Variants in ANKH observed in about 807,000 individuals in gnomAD.
ANKH encodes mineralization regulator ANKH.
In ANKH, 15 loss-of-function variants were observed where a neutral mutation model predicts 49.0. That is an observed-to-expected ratio of 0.31 (90% CI 0.20 to 0.47). The LOEUF (loss-of-function observed/expected upper bound fraction) is 0.47. Ranked by LOEUF, ANKH falls within the 20% of genes least tolerant of loss-of-function variation. The pLI, the probability that ANKH is intolerant of heterozygous loss-of-function variation, is 1.00. For synonymous variants in ANKH, 273 were observed against 260.0 expected, an observed-to-expected ratio of 1.05 and a Z score of -0.48; for missense variants, 429 against 652.0, an observed-to-expected ratio of 0.66 and a Z score of 3.72.
intron 1 of ANKH, among the ~76,000 whole-genome samples, chr5:14,853,101 C>T (rs895082000): frequency 9.9e-5 from 15 of 152,180 alleles, no homozygotes; most frequent in Admixed American, 2.0e-4. Context: ...TGGCACCAAC[C>T]TCCCCCCAAA....
intron 1 of ANKH, among the ~76,000 whole-genome samples, chr5:14,835,308 G>A (rs772539963): frequency 6.6e-6 from 1 of 152,194 alleles, no homozygotes; most frequent in Non-Finnish European, 1.5e-5. Context: ...TTAGTCACAG[G>A]AATAACCTGC....
chr5:14,759,486 C>A (rs1439984526), intron 2 of ANKH, among the ~76,000 whole-genome samples: 1 of 152,062 alleles, frequency 6.6e-6, no homozygotes, highest in Non-Finnish European at 1.5e-5. Flanking sequence ...CATGATGGCT[C>A]ATGCCTGTAA....
intron 7 of ANKH, among the ~76,000 whole-genome samples, chr5:14,744,103 TTGAAA>T (rs1738452516): frequency 6.6e-6 from 1 of 152,248 alleles, no homozygotes; most frequent in African/African-American, 2.4e-5. Flanking sequence ...CACACGTGCC[TTGAAA>T]TGAAAACAAT....
chr5:14,740,069 C>G (rs931088795), intron 8 of ANKH, among the ~76,000 whole-genome samples: 3 of 152,052 alleles, frequency 2.0e-5, no homozygotes, highest in African/African-American at 4.8e-5. Flanking sequence ...AAGCCCAATC[C>G]GGTAAAGCTC....
rs555583969 is a variant in ANKH at position 14,776,396 on chromosome 5, T to C, written c.97-7205A>G. Among the ~76,000 whole-genome samples the C allele has an allele frequency of 6.6e-5, 10 of 152,240 alleles. No homozygotes were observed. The East Asian group carries it at 7.8e-4, about 12-fold the overall frequency. On this transcript the variant is annotated intron_variant, in intron 1 of 11. Coordinates refer to ENST00000284268, the MANE Select transcript of ANKH (RefSeq NM_054027.6). ...GCTATGGATATACATTTGGAGGTCA[T>C]TGGCCTACAGATAGAATTTAAAGCT... is the stretch of plus-strand genomic sequence containing the variant.
intron 1 of ANKH, among the ~76,000 whole-genome samples, chr5:14,829,815 A>G (rs1443810014): frequency 6.6e-6 from 1 of 152,238 alleles, no homozygotes; most frequent in African/African-American, 2.4e-5. Context: ...ATAAAACATG[A>G]ATACCTTCTG....
intron 2 of ANKH, among the ~76,000 whole-genome samples, chr5:14,765,373 C>T (rs1739227208): frequency 6.6e-6 from 1 of 152,166 alleles, no homozygotes; most frequent in Non-Finnish European, 1.5e-5. Flanking sequence ...CTCTCTCAGT[C>T]CAACACAATT....
At chr5:14,757,307 TA>T (rs573719038) in intron 3 of ANKH, among the ~76,000 whole-genome samples, 3 of 151,032 alleles carry the variant, frequency 2.0e-5, no homozygotes, top group Non-Finnish European at 2.9e-5. Flanking sequence ...GTGGGGGTGG[TA>T]AAAAAAACTA....
chr5:14,732,587 CACT>C (rs1738040476), intron 8 of ANKH, among the ~76,000 whole-genome samples: 3 of 152,084 alleles, frequency 2.0e-5, no homozygotes, highest in Non-Finnish European at 4.4e-5. Context: ...TGTTAGGGAC[CACT>C]GAGTGTCCCG....
intron 8 of ANKH, among the ~76,000 whole-genome samples, chr5:14,727,087 AAATTCTAGTTGGCT>A (rs931227539): frequency 6.6e-6 from 1 of 152,196 alleles, no homozygotes; most frequent in African/African-American, 2.4e-5. Flanking sequence ...CAGGCTAGAA[AAATTCTAGTTGGCT>A]AACATAGGGG....
chr5:14,759,212 C>T (rs1323768334), intron 2 of ANKH, among the ~76,000 whole-genome samples: 1 of 152,168 alleles, frequency 6.6e-6, no homozygotes, highest in Admixed American at 6.5e-5. Context: ...TCCTGCACCG[C>T]TGGAAAATGA....
intron 1 of ANKH, among the ~76,000 whole-genome samples, chr5:14,853,491 C>T (rs930004039): frequency 2.0e-5 from 3 of 152,106 alleles, no homozygotes; most frequent in Non-Finnish European, 1.5e-5. Context: ...GTGAGAGGAT[C>T]GCTTGAGCCC....
chr5:14,821,859 A>G (rs574076293), intron 1 of ANKH, among the ~76,000 whole-genome samples: 1 of 152,252 alleles, frequency 6.6e-6, no homozygotes, highest in Non-Finnish European at 1.5e-5. Flanking sequence ...TCAGGAAATG[A>G]CTAACATTAG....
At chr5:14,740,769 G>C (rs1009565002) in intron 8 of ANKH, among the ~76,000 whole-genome samples, 1 of 152,180 alleles carries the variant, frequency 6.6e-6, no homozygotes, top group Non-Finnish European at 1.5e-5. Context: ...CAAGCTCCAC[G>C]GTTCTTGTGA....
intron 1 of ANKH, among the ~76,000 whole-genome samples, chr5:14,857,725 A>T (rs1735323121): frequency 6.6e-6 from 1 of 152,214 alleles, no homozygotes; most frequent in South Asian, 2.1e-4. Flanking sequence ...AAAACAAATA[A>T]TGTGAAGGAG....
At chr5:14,803,136 C>T (rs1204377251) in intron 1 of ANKH, among the ~76,000 whole-genome samples, 3 of 152,176 alleles carry the variant, frequency 2.0e-5, no homozygotes, top group South Asian at 2.1e-4. Flanking sequence ...TGTGTGCATA[C>T]TGGGCTGCAA....
At chr5:14,712,831 G>C in intron 11 of ANKH, 43 bp downstream of exon 11, 2 of 1,542,070 alleles carry the variant, frequency 1.3e-6, no homozygotes, top group Non-Finnish European at 1.8e-6. Flanking sequence ...CCTGCACCCA[G>C]GAGGATGCAC....
At chr5:14,775,036 T>C (rs1462588681) in intron 1 of ANKH, among the ~76,000 whole-genome samples, 1 of 149,228 alleles carries the variant, frequency 6.7e-6, no homozygotes, top group African/African-American at 2.5e-5. Flanking sequence ...TTTTTTCCTA[T>C]ACATACACAC....
At chr5:14,858,398 G>A (rs531398478) in intron 1 of ANKH, among the ~76,000 whole-genome samples, 38 of 152,256 alleles carry the variant, frequency 2.5e-4, no homozygotes, top group African/African-American at 7.9e-4. Context: ...TAAAAAGTAG[G>A]GAAAGGTTAC....
Sources: gnomAD v4.1 joint callset for allele counts (sites outside exome capture counted in the v4.1 genomes callset) on GRCh38, gnomAD v4.1.1 for gene constraint, MANE v1.5 for transcripts, NCBI Gene and HGNC (gene_info 2026-07-23, HGNC 2026-07-21) for gene names.